The following TCF20 variants were observed in gnomAD, a reference collection of about 807,000 sequenced individuals.
TCF20 encodes transcription factor 20, also known as SPRE-binding protein.
In TCF20, 3 loss-of-function variants were observed where a neutral mutation model predicts 148.6. That is an observed-to-expected ratio of 0.02 (90% confidence interval 0.01 to 0.05). The LOEUF (loss-of-function observed/expected upper bound fraction) is 0.05, where lower values mean the gene tolerates loss of function less well. Among genes scored for constraint, TCF20 ranks in the 10% least tolerant of loss-of-function variants. TCF20 has a pLI of 1.00. For synonymous variants in TCF20, 1,049 were observed against 909.5 expected (o/e 1.15, Z -2.76); for missense variants, 2,350 against 2,429.3 (o/e 0.97, Z 0.69).
upstream of TCF20, among the ~76,000 whole-genome samples, chr22:42,273,526 C>T (rs1052641599): frequency 1.4e-4 from 21 of 152,094 alleles, no homozygotes; most frequent in African/African-American, 5.1e-4. Flanking sequence ...AATAACTGAG[C>T]GCCCCTTCCT....
chr22:42,168,601 C>A lies in TCF20; in HGVS notation c.*44+8G>T. ...CAGGATGCAGGGAGCCCGGTGGCCC[C>A]GACTCACCTGTGCTTGCTGTCCTTT... On this transcript the variant is annotated splice_region_variant and intron_variant, in intron 5 of 5. Transcript: ENST00000677622. 6.4e-7 allele frequency: 1 copy of A among 1,555,782 alleles called. No individual in the cohort carries two copies. Among genetic ancestry groups the A allele is most frequent in the Non-Finnish European group, 8.7e-7 (1 of 1,152,408 alleles).
intron 1 of TCF20, among the ~76,000 whole-genome samples, chr22:42,221,539 C>CATA (rs1301885148): frequency 6.6e-6 from 1 of 152,082 alleles, no homozygotes; most frequent in East Asian, 1.9e-4. Flanking sequence ...TGCACTATGA[C>CATA]ATAGAACAGG....
At chr22:42,249,886 T>TC (rs1925223126) in intron 1 of TCF20, among the ~76,000 whole-genome samples, 1 of 150,704 alleles carries the variant, frequency 6.6e-6, no homozygotes, top group Non-Finnish European at 1.5e-5. Context: ...TTCTATGCAT[T>TC]TTTTTTTTGC....
intron 1 of TCF20, among the ~76,000 whole-genome samples, chr22:42,324,063 G>A (rs1406403875): frequency 4.1e-5 from 6 of 147,202 alleles, no homozygotes; most frequent in Non-Finnish European, 6.0e-5. Flanking sequence ...TGGTGGTGAT[G>A]GAGGTTATGG....
intron 1 of TCF20, among the ~76,000 whole-genome samples, chr22:42,267,566 TG>T (rs1214673908): frequency 6.6e-6 from 1 of 151,998 alleles, no homozygotes; most frequent in African/African-American, 2.4e-5. Context: ...CTGGGCGTGG[TG>T]GTGCGCACCT....
chr22:42,237,126 CTGTT>C (rs1923958989), intron 1 of TCF20, among the ~76,000 whole-genome samples: 1 of 150,240 alleles, frequency 6.7e-6, no homozygotes, highest in East Asian at 1.9e-4. Context: ...GCATGCCAAA[CTGTT>C]TGATAGCATT....
Position 42,160,107 on chromosome 22 carries a change from TC to T in TCF20, c.*1295del, listed in dbSNP as rs1935325177. On this transcript the variant is annotated 3_prime_UTR_variant, in exon 6 of 6. Transcript: ENST00000677622. ...AACTGTTTGTGAAACAGCTATTTTATCCCCATGGCAGAGTGACCCCTGAAAG... is the reference window on the plus strand; with the variant it reads ...AACTGTTTGTGAAACAGCTATTTTATCCCATGGCAGAGTGACCCCTGAAAG... 6.6e-6 allele frequency: 1 copy of T among 152,620 alleles called. No homozygotes were observed. Among genetic ancestry groups the T allele is most frequent in the Non-Finnish European group, 1.5e-5 (1 of 68,036 alleles). The allele number at this position is 152,620 out of a possible 1,614,324, so 9.5% of individuals were successfully genotyped here.
At chr22:42,271,850 G>C (rs535146954), upstream of TCF20, among the ~76,000 whole-genome samples, 4 of 152,216 alleles carry the variant, frequency 2.6e-5, no homozygotes, top group Non-Finnish European at 5.9e-5. Flanking sequence ...GGTGTGGTCT[G>C]GAACCCAGAT....
At chr22:42,335,747 G>A (rs189854830) in intron 1 of TCF20, among the ~76,000 whole-genome samples, 24 of 152,282 alleles carry the variant, frequency 1.6e-4, no homozygotes, top group African/African-American at 5.1e-4. Flanking sequence ...AGAAGCACAG[G>A]ACGTGAGACT....
intron 1 of TCF20, among the ~76,000 whole-genome samples, chr22:42,283,370 G>T (rs1313159962): frequency 6.6e-6 from 1 of 151,740 alleles, no homozygotes; most frequent in East Asian, 1.9e-4. Flanking sequence ...GCGCACGGCG[G>T]CTGGATCTGG....
intron 2 of TCF20, among the ~76,000 whole-genome samples, chr22:42,197,032 C>CTAT (rs1163997950): frequency 1.3e-5 from 2 of 152,222 alleles, no homozygotes; most frequent in African/African-American, 4.8e-5. Context: ...AATCACTCCA[C>CTAT]TATTACCAGG....
At chr22:42,258,271 C>CT (rs1298738872) in intron 1 of TCF20, among the ~76,000 whole-genome samples, 1 of 152,004 alleles carries the variant, frequency 6.6e-6, no homozygotes, top group African/African-American at 2.4e-5. Flanking sequence ...TACCTCCCCC[C>CT]CCTTCCCTAG....
At chr22:42,260,620 G>C (rs191004205) in intron 1 of TCF20, among the ~76,000 whole-genome samples, 1 of 152,208 alleles carries the variant, frequency 6.6e-6, no homozygotes, top group Non-Finnish European at 1.5e-5. Flanking sequence ...AAGTAGCCGA[G>C]ACCACAGATG....
chr22:42,185,236 C>T (rs1384064276), intron 2 of TCF20, among the ~76,000 whole-genome samples: 1 of 152,210 alleles, frequency 6.6e-6, no homozygotes, highest in Non-Finnish European at 1.5e-5. Flanking sequence ...ACTACTGTGC[C>T]TAAGACGGCT....
intron 1 of TCF20, among the ~76,000 whole-genome samples, chr22:42,223,549 G>C (rs1482307567): frequency 6.6e-6 from 1 of 151,772 alleles, no homozygotes; most frequent in Non-Finnish European, 1.5e-5. Flanking sequence ...TCTAAGAAAT[G>C]TTAGTAATCC....
At chr22:42,251,622 C>G (rs1249486281) in intron 1 of TCF20, among the ~76,000 whole-genome samples, 1 of 147,554 alleles carries the variant, frequency 6.8e-6, no homozygotes, top group Non-Finnish European at 1.5e-5. Flanking sequence ...CGTGCCTCAG[C>G]ATCCCGAGTA....
chr22:42,185,932 G>A (rs1419836640), intron 2 of TCF20, among the ~76,000 whole-genome samples: 2 of 152,218 alleles, frequency 1.3e-5, no homozygotes, highest in African/African-American at 4.8e-5. Flanking sequence ...ACCTCAGAGG[G>A]ACAGAGACTT....
intron 1 of TCF20, among the ~76,000 whole-genome samples, chr22:42,265,473 T>A (rs189394237): frequency 1.3e-5 from 2 of 152,332 alleles, no homozygotes; most frequent in East Asian, 3.9e-4. Flanking sequence ...ACATCTGGCC[T>A]TTTTTATTTT....
intron 2 of TCF20, among the ~76,000 whole-genome samples, chr22:42,201,261 T>C (rs1315962358): frequency 6.6e-6 from 1 of 152,194 alleles, no homozygotes; most frequent in Non-Finnish European, 1.5e-5. Context: ...CCTCTTTTCT[T>C]CATACATCAC....
Sources: allele counts gnomAD v4.1 joint callset (sites outside exome capture counted in the v4.1 genomes callset), GRCh38; gene constraint gnomAD v4.1.1; transcripts MANE v1.5; gene names NCBI Gene and HGNC (gene_info 2026-07-23, HGNC 2026-07-21).